NRG3: variants seen among roughly 807,000 people sequenced by gnomAD.
The protein encoded by NRG3 is pro-neuregulin-3, membrane-bound isoform.
In NRG3, 31 loss-of-function variants were observed where a neutral mutation model predicts 66.9. The observed-to-expected ratio is 0.46, with a 90% CI of 0.35 to 0.63. The LOEUF is 0.63. Among genes scored for constraint, NRG3 ranks in the 20% least tolerant of loss-of-function variants. The probability of loss-of-function intolerance (pLI) is 0.00; values close to 1 mark genes in which losing one functional copy is unlikely to be tolerated. For synonymous variants in NRG3, 393 were observed against 359.4 expected (o/e 1.09, Z -1.06); for missense variants, 910 against 878.9 (o/e 1.04, Z -0.45).
intron 2 of NRG3, among the ~76,000 whole-genome samples, chr10:82,706,370 C>T (rs2056288907): frequency 6.6e-6 from 1 of 152,176 alleles, no homozygotes; most frequent in Admixed American, 6.5e-5. Context: ...ATTTCCATGC[C>T]CTCCTTGGTT....
chr10:82,214,958 A>G (rs1029378793), intron 1 of NRG3, among the ~76,000 whole-genome samples: 2 of 152,154 alleles, frequency 1.3e-5, no homozygotes, highest in Non-Finnish European at 2.9e-5. Context: ...AAGTTTGTGC[A>G]GTCTTGATCA....
At chr10:82,265,950 A>C (rs1364774320) in intron 1 of NRG3, among the ~76,000 whole-genome samples, 3 of 152,176 alleles carry the variant, frequency 2.0e-5, no homozygotes, top group African/African-American at 7.2e-5. Flanking sequence ...ATAGAGAACA[A>C]AATTCATCCT....
chr10:82,065,600 G>A (rs75176618), intron 1 of NRG3, among the ~76,000 whole-genome samples: 4,930 of 152,198 alleles, frequency 0.032, 156 homozygotes, highest in East Asian at 0.15. Context: ...ACAGAAGGGG[G>A]AAGAATATAG....
chr10:82,291,708 A>T (rs1391647867), intron 1 of NRG3, among the ~76,000 whole-genome samples: 1 of 152,310 alleles, frequency 6.6e-6, no homozygotes, highest in East Asian at 1.9e-4. Context: ...CAATGCATGC[A>T]GGATACAAGT....
At chr10:82,913,642 T>G (rs939985258) in intron 4 of NRG3, among the ~76,000 whole-genome samples, 2 of 152,244 alleles carry the variant, frequency 1.3e-5, no homozygotes, top group Admixed American at 6.5e-5. Context: ...CTTGTTTTCA[T>G]AGTTTCTGTG....
intron 1 of NRG3, among the ~76,000 whole-genome samples, chr10:82,008,955 T>C (rs2061477153): frequency 6.6e-6 from 1 of 152,194 alleles, no homozygotes; most frequent in Non-Finnish European, 1.5e-5. Context: ...GAGTTCTTTT[T>C]TGTCAGTCTC....
chr10:81,985,861 T>A (rs2060498260), intron 1 of NRG3, among the ~76,000 whole-genome samples: 2 of 152,224 alleles, frequency 1.3e-5, no homozygotes, highest in African/African-American at 4.8e-5. Context: ...CAGAAGAGCA[T>A]AATATATACC....
chr10:81,989,114 G>A (rs2060638391), intron 1 of NRG3, among the ~76,000 whole-genome samples: 2 of 152,056 alleles, frequency 1.3e-5, no homozygotes, highest in African/African-American at 4.8e-5. Flanking sequence ...GAGGGAAAAT[G>A]GACTAATCAA....
In NRG3 at chr10:82,932,530, A is replaced by G. The variant is rs1224982501; in HGVS notation, c.1055-18939A>G. Among the ~76,000 whole-genome samples, 4 of 152,080 alleles carry G rather than the reference A, an allele frequency of 2.6e-5. No homozygotes were observed. The East Asian group carries it at 5.8e-4, about 22-fold the overall frequency. The stretch of plus-strand genomic sequence containing the variant: ...GGGTTTGCCACCACCCTGAGCTAGT[A>G]GTGTATGTGGATGGCATAAAGAACA... On this transcript the variant is annotated intron_variant, in intron 4 of 8. Coordinates refer to ENST00000372141, the MANE Select transcript of NRG3 (RefSeq NM_001010848.4).
At chr10:82,459,947 G>A (rs2091438144) in intron 2 of NRG3, among the ~76,000 whole-genome samples, 1 of 152,180 alleles carries the variant, frequency 6.6e-6, no homozygotes, top group Non-Finnish European at 1.5e-5. Context: ...GAATCAGTTT[G>A]GAAACTGCTA....
At chr10:82,000,675 C>T (rs952290355) in intron 1 of NRG3, among the ~76,000 whole-genome samples, 1 of 152,186 alleles carries the variant, frequency 6.6e-6, no homozygotes, top group African/African-American at 2.4e-5. Flanking sequence ...ACAGTAGCCT[C>T]CTAATTTATT....
intron 2 of NRG3, among the ~76,000 whole-genome samples, chr10:82,709,467 G>A (rs914442442): frequency 4.0e-5 from 6 of 151,694 alleles, no homozygotes; most frequent in Non-Finnish European, 8.8e-5. Context: ...CTGCAACCTC[G>A]GCTTCCTGGG....
At chr10:82,882,502 G>C (rs753370670) in intron 4 of NRG3, among the ~76,000 whole-genome samples, 3 of 152,126 alleles carry the variant, frequency 2.0e-5, no homozygotes, top group Non-Finnish European at 4.4e-5. Flanking sequence ...AGACATTTCT[G>C]CTCAAAAAGG....
intron 4 of NRG3, among the ~76,000 whole-genome samples, chr10:82,925,329 T>G (rs1037660090): frequency 1.3e-5 from 2 of 152,236 alleles, no homozygotes; most frequent in Admixed American, 6.5e-5. Context: ...AGACTGCCTG[T>G]GACCATTTAC....
At chr10:82,642,519 T>C (rs2050654883) in intron 2 of NRG3, among the ~76,000 whole-genome samples, 2 of 151,828 alleles carry the variant, frequency 1.3e-5, no homozygotes, top group South Asian at 4.1e-4. Flanking sequence ...ATCCAACTAC[T>C]AATTTATAGA....
intron 3 of NRG3, among the ~76,000 whole-genome samples, chr10:82,801,950 G>C (rs1366284190): frequency 2.0e-5 from 3 of 152,144 alleles, no homozygotes; most frequent in Non-Finnish European, 2.9e-5. Context: ...TTGTATGTGA[G>C]CTGCTTTGAC....
chr10:82,161,227 G>T (rs774646402), intron 1 of NRG3, among the ~76,000 whole-genome samples: 1 of 152,112 alleles, frequency 6.6e-6, no homozygotes, highest in African/African-American at 2.4e-5. Context: ...GGAGTCACCG[G>T]CATAGAGAAA....
At chr10:82,106,065 A>G (rs1292097958) in intron 1 of NRG3, among the ~76,000 whole-genome samples, 1 of 152,162 alleles carries the variant, frequency 6.6e-6, no homozygotes, top group Non-Finnish European at 1.5e-5. Flanking sequence ...AATACTTTCC[A>G]CTAACCTTGT....
At chr10:82,239,837 G>A (rs1004660487) in intron 1 of NRG3, among the ~76,000 whole-genome samples, 3 of 151,994 alleles carry the variant, frequency 2.0e-5, no homozygotes, top group Non-Finnish European at 4.4e-5. Context: ...TATAGTGTGA[G>A]CCAGTATTTA....
Sources: allele counts gnomAD v4.1 joint callset (sites outside exome capture counted in the v4.1 genomes callset), GRCh38; gene constraint gnomAD v4.1.1; transcripts MANE v1.5; gene names NCBI Gene and HGNC (gene_info 2026-07-23, HGNC 2026-07-21).